Variants in CNKSR2 observed in about 807,000 individuals in gnomAD.
CNKSR2 encodes the protein connector enhancer of kinase suppressor of Ras 2, also known as CNK homolog protein 2.
CNKSR2 carries 14 observed loss-of-function variants against 84.4 expected under a neutral mutation model. The ratio of observed to expected loss-of-function variants is 0.17; its 90% CI spans 0.11 to 0.26. The LOEUF (loss-of-function observed/expected upper bound fraction) is 0.26, where lower values mean the gene tolerates loss of function less well. Among genes scored for constraint, CNKSR2 ranks in the 10% least tolerant of loss-of-function variants. The pLI, the probability that CNKSR2 is intolerant of heterozygous loss-of-function variation, is 1.00. For synonymous variants in CNKSR2, 275 were observed against 277.9 expected, an observed-to-expected ratio of 0.99 and a Z score of 0.10; for missense variants, 485 against 771.2, an observed-to-expected ratio of 0.63 and a Z score of 4.40.
At chrX:21,619,951 C>A (rs1476580537) in intron 20 of CNKSR2, among the ~76,000 whole-genome samples, 1 of 110,665 alleles carries the variant, frequency 9.0e-6, no homozygotes, top group Non-Finnish European at 1.9e-5. Context: ...TGACAATAAG[C>A]CCCACCCCTC....
chrX:21,558,854 G>T (rs2092162655), intron 11 of CNKSR2, among the ~76,000 whole-genome samples: 1 of 111,331 alleles, frequency 9.0e-6, no homozygotes. Flanking sequence ...TGAAACAACT[G>T]CTTATTTATT....
In CNKSR2 at chrX:21,382,272, C is replaced by T. The variant is rs1438473414; in HGVS notation, c.64+7311C>T. 2.7e-5 allele frequency among the ~76,000 whole-genome samples: 3 copies of T among 111,460 alleles called. No homozygotes were observed. The East Asian group carries it at 8.4e-4, about 31-fold the overall frequency. Reference sequence around the variant, plus strand: ...TAGTGCTCTAGCCAATTCAAAGATACGAATCATGGTTTAAACTTATTTTGT... The same window carrying T: ...TAGTGCTCTAGCCAATTCAAAGATATGAATCATGGTTTAAACTTATTTTGT... On this transcript the variant is annotated intron_variant, in intron 1 of 21. Transcript: ENST00000379510.
chrX:21,395,080 A>G (rs988997179), intron 1 of CNKSR2, among the ~76,000 whole-genome samples: 1 of 111,752 alleles, frequency 8.9e-6, no homozygotes, highest in South Asian at 3.7e-4. Context: ...GTTGTTTGAA[A>G]GTGTACTTTC....
rs1555910389 is a variant in CNKSR2 at position 21,374,593 on chromosome X, A to AGGCAGC, written c.-304_-299dup. Reference sequence around the variant, plus strand: ...GACGGAGACCGGAGCGGAGCGGCGGAGGCAGCAGCAGCAGCAGCAGCAGCA... The same window carrying AGGCAGC: ...GACGGAGACCGGAGCGGAGCGGCGGAGGCAGCGGCAGCAGCAGCAGCAGCAGCAGCA... On this transcript the variant is annotated 5_prime_UTR_variant, in exon 1 of 22. Coordinates refer to ENST00000379510, the MANE Select transcript of CNKSR2 (RefSeq NM_014927.5). The AGGCAGC allele has an allele frequency of 2.2e-6, 1 of 446,200 alleles. No homozygotes were observed. The highest frequency in any genetic ancestry group is 4.3e-5 in the East Asian group (1 of 23,267). 36.8% of individuals were successfully genotyped at this position (446,200 alleles called of 1,213,427 possible).
intron 1 of CNKSR2, among the ~76,000 whole-genome samples, chrX:21,410,071 C>G (rs1354972581): frequency 9.6e-6 from 1 of 104,183 alleles, no homozygotes; most frequent in Non-Finnish European, 2.0e-5. Flanking sequence ...TGTGTATAAC[C>G]AATTATCATT....
chrX:21,436,562 A>G (rs1419975181), intron 3 of CNKSR2, among the ~76,000 whole-genome samples: 1 of 110,806 alleles, frequency 9.0e-6, no homozygotes, highest in Non-Finnish European at 1.9e-5. Context: ...CAAGGATTTT[A>G]TCTTTTTTTC....
In CNKSR2 at chrX:21,609,280, G is replaced by C; in HGVS notation, c.2355G>C (p.Gln785His). ...PLTSSGLHYL[Q>H]TLPLEDSVFS... is the part of the protein sequence containing the mutation. ...CAAGTTCAGGCTTACACTATCTTCA[G>C]ACTCTGCCCCTGGAGGATTCTGTCT... Residue 785 changes from glutamine (Q) to histidine (H), a missense_variant, in exon 20 of 22, where the codon CAG (glutamine) becomes CAC (histidine). By Grantham distance (24) the Gln-to-His change is conservative (BLOSUM62 0). This residue lies in a region of CNKSR2 where 210 missense variants were observed against 291.5 expected (regional missense o/e 0.72). Coordinates refer to ENST00000379510, the MANE Select transcript of CNKSR2 (RefSeq NM_014927.5). 1 of 1,211,523 alleles carries C rather than the reference G, an allele frequency of 8.3e-7. No individual in the cohort carries two copies. The highest frequency in any genetic ancestry group is 1.1e-6 in the Non-Finnish European group (1 of 895,477).
Position 21,575,523 on chromosome X carries a change from T to C in CNKSR2, c.1608+12071T>C, listed in dbSNP as rs140259183. Among the ~76,000 whole-genome samples, 1,058 of 111,506 alleles carry C rather than the reference T, an allele frequency of 9.5e-3. 12 individuals carry two copies. Among genetic ancestry groups the C allele is most frequent in the African/African-American group, 0.031 (961 of 30,653 alleles). On this transcript the variant is annotated intron_variant, in intron 13 of 21. Coordinates refer to ENST00000379510, the MANE Select transcript of CNKSR2 (RefSeq NM_014927.5). ...GAGTACACACATTTTATTTTATTTT[T>C]CCTGCTACTCACAACCAAAAATTAC...
rs764389703 is a variant in CNKSR2 at position 21,440,927 on chromosome X, G to T, written c.519+146G>T. Reference sequence around the variant, plus strand: ...CCATTCTAAAGAAATGAAATGTGTAGTTATTTATTGGGAGACTGTGCATTT... The same window carrying T: ...CCATTCTAAAGAAATGAAATGTGTATTTATTTATTGGGAGACTGTGCATTT... On this transcript the variant is annotated intron_variant, in intron 4 of 21. Coordinates refer to ENST00000379510, the MANE Select transcript of CNKSR2 (RefSeq NM_014927.5). 1.0e-4 allele frequency: 36 copies of T among 357,484 alleles called. 1 individual carries two copies. The South Asian group carries it at 2.4e-3, about 24-fold the overall frequency. 29.5% of individuals were successfully genotyped at this position (357,484 alleles called of 1,213,427 possible).
chrX:21,647,205 A>G (rs1002777421), intron 20 of CNKSR2, among the ~76,000 whole-genome samples: 1 of 112,411 alleles, frequency 8.9e-6, no homozygotes, highest in African/African-American at 3.2e-5. Flanking sequence ...AATTTATCAC[A>G]GAGGACTTAG....
chrX:21,590,683 T>G, intron 14 of CNKSR2, 63 bp downstream of exon 14: 1 of 1,081,065 alleles, frequency 9.3e-7, no homozygotes. Context: ...CCAACACACT[T>G]CATCCATGCC....
At chrX:21,565,288 A>G (rs2092228628) in intron 13 of CNKSR2, among the ~76,000 whole-genome samples, 1 of 111,887 alleles carries the variant, frequency 8.9e-6, no homozygotes, top group African/African-American at 3.2e-5. Context: ...GCGGAAGGAA[A>G]GTAGTTAAGT....
intron 17 of CNKSR2, among the ~76,000 whole-genome samples, chrX:21,595,981 C>T (rs759814367): frequency 2.7e-5 from 3 of 111,479 alleles, no homozygotes; most frequent in Non-Finnish European, 5.7e-5. Flanking sequence ...GTGCTTTCTT[C>T]CTTTCTCTTT....
At chrX:21,642,525 A>G (rs2092694978) in intron 20 of CNKSR2, 2 of 749,483 alleles carry the variant, frequency 2.7e-6, no homozygotes, top group Non-Finnish European at 3.1e-6. Flanking sequence ...TCTGTAGTGG[A>G]TGTGAAATTT....
chrX:21,438,392 A>G (rs899491881), intron 3 of CNKSR2, among the ~76,000 whole-genome samples: 4 of 111,917 alleles, frequency 3.6e-5, no homozygotes, highest in Non-Finnish European at 5.6e-5. Flanking sequence ...TATGCAGCAC[A>G]TGACCGTATA....
At chrX:21,642,355 GC>G in intron 20 of CNKSR2, 1 of 752,745 alleles carries the variant, frequency 1.3e-6, no homozygotes, top group African/African-American at 2.3e-5. Flanking sequence ...CTTAGGGCAG[GC>G]ATGAGCTATT....
At chrX:21,471,999 A>T (rs1446397862) in intron 5 of CNKSR2, among the ~76,000 whole-genome samples, 2 of 111,931 alleles carry the variant, frequency 1.8e-5, no homozygotes, top group Non-Finnish European at 3.8e-5. Context: ...AAGGGTCACA[A>T]ATATTAAGTT....
intron 20 of CNKSR2, among the ~76,000 whole-genome samples, chrX:21,633,580 A>ACT (rs201198328): frequency 0.065 from 7,275 of 111,909 alleles, 578 homozygotes; most frequent in African/African-American, 0.22. Flanking sequence ...TGCAAGAGGA[A>ACT]CTCACTGCAA....
chrX:21,541,954 G>A (rs770377136), intron 11 of CNKSR2, among the ~76,000 whole-genome samples: 4 of 111,024 alleles, frequency 3.6e-5, no homozygotes, highest in South Asian at 3.7e-4. Context: ...TACATTCCTC[G>A]TTCTAAATTC....
Sources: allele counts gnomAD v4.1 joint callset (sites outside exome capture counted in the v4.1 genomes callset), GRCh38; gene constraint gnomAD v4.1.1; regional missense constraint gnomAD v4.1.1; transcripts MANE v1.5; gene names NCBI Gene and HGNC (gene_info 2026-07-23, HGNC 2026-07-21).